Variants in PAK5 observed in about 807,000 individuals in gnomAD.
The protein encoded by PAK5 is p21 (RAC1) activated kinase 5.
A neutral mutation model predicts 65.9 loss-of-function variants in PAK5; 16 were observed. The ratio of observed to expected loss-of-function variants is 0.24; its 90% confidence interval spans 0.16 to 0.37. The LOEUF (loss-of-function observed/expected upper bound fraction) is 0.37. PAK5 is among the 10% of genes least tolerant of loss of function. The probability of loss-of-function intolerance (pLI) is 1.00; values close to 1 mark genes in which losing one functional copy is unlikely to be tolerated. For synonymous variants in PAK5, 371 were observed against 354.9 expected (o/e 1.05, Z -0.51); for missense variants, 785 against 903.9 (o/e 0.87, Z 1.69).
intron 1 of PAK5, among the ~76,000 whole-genome samples, chr20:9,773,100 A>C (rs1399285539): frequency 2.0e-5 from 3 of 152,160 alleles, no homozygotes; most frequent in Non-Finnish European, 4.4e-5. Flanking sequence ...GCCATCCAAG[A>C]AGATCTCTCT....
At chr20:9,754,643 T>A (rs939290244) in intron 1 of PAK5, among the ~76,000 whole-genome samples, 1 of 152,134 alleles carries the variant, frequency 6.6e-6, no homozygotes, top group South Asian at 2.1e-4. Flanking sequence ...TGTCGTTAAT[T>A]TGTTAGTCCT....
chr20:9,690,836 C>G (rs1223563532), intron 2 of PAK5, among the ~76,000 whole-genome samples: 1 of 149,882 alleles, frequency 6.7e-6, no homozygotes, highest in Non-Finnish European at 1.5e-5. Context: ...TCACTGCAAC[C>G]TCCTCTTCCC....
chr20:9,659,953 T>C lies in PAK5; in HGVS notation c.-11-15614A>G, dbSNP rs552817683. 2.6e-5 allele frequency among the ~76,000 whole-genome samples: 4 copies of C among 152,286 alleles called. No homozygotes were observed. In the South Asian group the frequency reaches 8.3e-4, roughly 32 times the overall value. ...ATTTGCTTCTCTATAACAGCAAGTA[T>C]GCCAAAGGGAAAGGGCAAGAATGGG... On this transcript the variant is annotated intron_variant, in intron 2 of 9. Coordinates refer to ENST00000353224, the MANE Select transcript of PAK5 (RefSeq NM_177990.4).
At chr20:9,595,393 T>C (rs1299247262) in intron 3 of PAK5, among the ~76,000 whole-genome samples, 3 of 152,184 alleles carry the variant, frequency 2.0e-5, no homozygotes, top group Non-Finnish European at 2.9e-5. Context: ...GTTTACTGAA[T>C]AATCCCATTG....
At chr20:9,639,982 T>C (rs2047030323) in intron 3 of PAK5, among the ~76,000 whole-genome samples, 1 of 152,230 alleles carries the variant, frequency 6.6e-6, no homozygotes, top group South Asian at 2.1e-4. Context: ...AAGTAAATGA[T>C]ACTTTGTCCT....
intron 3 of PAK5, among the ~76,000 whole-genome samples, chr20:9,584,689 A>C (rs528331431): frequency 1.3e-5 from 2 of 152,326 alleles, no homozygotes; most frequent in Non-Finnish European, 1.5e-5. Flanking sequence ...CTATGGATTT[A>C]AACTTCTGGC....
chr20:9,813,960 C>T (rs2049327137), intron 1 of PAK5, among the ~76,000 whole-genome samples: 1 of 152,038 alleles, frequency 6.6e-6, no homozygotes, highest in African/African-American at 2.4e-5. Context: ...TAAAAATGAA[C>T]CCATATGATA....
chr20:9,667,905 T>TA (rs2123356476), intron 2 of PAK5, among the ~76,000 whole-genome samples: 1 of 152,320 alleles, frequency 6.6e-6, no homozygotes, highest in South Asian at 2.1e-4. Flanking sequence ...TAATAGTATC[T>TA]AAAATCACTT....
chr20:9,773,829 C>A (rs2123682998), intron 1 of PAK5, among the ~76,000 whole-genome samples: 1 of 152,246 alleles, frequency 6.6e-6, no homozygotes, highest in African/African-American at 2.4e-5. Flanking sequence ...GAAAACAAGG[C>A]TTGAGGTGAG....
At chr20:9,757,922 C>T (rs1385461364) in intron 1 of PAK5, among the ~76,000 whole-genome samples, 1 of 152,134 alleles carries the variant, frequency 6.6e-6, no homozygotes, top group Non-Finnish European at 1.5e-5. Context: ...AGACGCCAAG[C>T]CTCACAGTGA....
rs572660282 is a variant in PAK5, at chr20:9,555,659, C to T, written c.1743+1949G>A. Among the ~76,000 whole-genome samples, 5 of 152,334 alleles carry T rather than the reference C, an allele frequency of 3.3e-5. No homozygotes were observed. In the East Asian group the frequency reaches 9.6e-4, roughly 29 times the overall value. Reference sequence around the variant, plus strand: ...TAAGAAAAAATGCATACACAGTCTTCTTCTACCTGTATCCACATCCCTTTG... The same window carrying T: ...TAAGAAAAAATGCATACACAGTCTTTTTCTACCTGTATCCACATCCCTTTG... On this transcript the variant is annotated intron_variant, in intron 7 of 9. Transcript: ENST00000353224.
intron 4 of PAK5, among the ~76,000 whole-genome samples, chr20:9,572,165 A>G (rs956282462): frequency 6.6e-6 from 1 of 151,116 alleles, no homozygotes; most frequent in Non-Finnish European, 1.5e-5. Flanking sequence ...TTGATTATCT[A>G]TGTACATCAT....
chr20:9,561,580 C>T (rs929965946), intron 6 of PAK5, among the ~76,000 whole-genome samples: 4 of 151,954 alleles, frequency 2.6e-5, no homozygotes, highest in Non-Finnish European at 5.9e-5. Flanking sequence ...TACTCCAGAC[C>T]GAGAACTGTA....
chr20:9,611,311 A>G (rs1435941687), intron 3 of PAK5, among the ~76,000 whole-genome samples: 1 of 152,194 alleles, frequency 6.6e-6, no homozygotes, highest in Non-Finnish European at 1.5e-5. Context: ...CCAAAAACAG[A>G]ACATAAAGTC....
Position 9,580,924 on chromosome 20 carries a change from C to T in PAK5, c.211G>A (p.Val71Ile), listed in dbSNP as rs758518559. 3.9e-5 allele frequency: 61 copies of T among 1,579,336 alleles called. No homozygotes were observed. The highest frequency in any genetic ancestry group is 4.8e-5 in the Non-Finnish European group (56 of 1,164,236). ...PIQLAPMKTI[V>I]RGNKPCKETS... Reference sequence around the variant, plus strand: ...TCCTTGCAGGGTTTGTTTCCTCTAACGATTGTCTGGGAATAATAGAGGGAA... The same window carrying T: ...TCCTTGCAGGGTTTGTTTCCTCTAATGATTGTCTGGGAATAATAGAGGGAA... Residue 71 changes from valine (V) to isoleucine (I), a missense_variant, in exon 4 of 10, where the codon GTT becomes ATT. By Grantham distance (29) the Val-to-Ile change is conservative. Coordinates refer to ENST00000353224, the MANE Select transcript of PAK5 (RefSeq NM_177990.4).
At chr20:9,782,463 T>C (rs2048950739) in intron 1 of PAK5, among the ~76,000 whole-genome samples, 1 of 152,202 alleles carries the variant, frequency 6.6e-6, no homozygotes, top group African/African-American at 2.4e-5. Context: ...ATGCTATTGA[T>C]TGTAAGGTAG....
chr20:9,589,348 T>C (rs2046125783), intron 3 of PAK5, among the ~76,000 whole-genome samples: 1 of 152,234 alleles, frequency 6.6e-6, no homozygotes, highest in East Asian at 1.9e-4. Flanking sequence ...TCTACTTAGA[T>C]CCTTATAGGA....
intron 1 of PAK5, among the ~76,000 whole-genome samples, chr20:9,715,135 C>T (rs2048126891): frequency 6.6e-6 from 1 of 152,060 alleles, no homozygotes; most frequent in Non-Finnish European, 1.5e-5. Flanking sequence ...AAAAATTTTG[C>T]AATCTACTCA....
intron 4 of PAK5, among the ~76,000 whole-genome samples, chr20:9,573,956 T>C (rs916466203): frequency 9.2e-5 from 14 of 152,290 alleles, no homozygotes; most frequent in South Asian, 6.2e-4. Context: ...CTGCTTACTC[T>C]CCATAAATCA....
Sources: allele counts gnomAD v4.1 joint callset (sites outside exome capture counted in the v4.1 genomes callset), GRCh38; gene constraint gnomAD v4.1.1; transcripts MANE v1.5; gene names NCBI Gene and HGNC (gene_info 2026-07-23, HGNC 2026-07-21).